Variants in CELF2 observed in about 807,000 individuals in gnomAD.
The protein encoded by CELF2 is CUGBP Elav-like family member 2.
Under a neutral mutation model 62.6 loss-of-function variants are expected in CELF2, and 8 were observed. The ratio of observed to expected loss-of-function variants is 0.13; its 90% CI spans 0.07 to 0.23. The LOEUF is 0.23. Ranked by LOEUF, CELF2 falls within the 10% of genes least tolerant of loss-of-function variation. CELF2 has a pLI of 1.00. For missense variants in CELF2, 333 were observed against 671.0 expected, an observed-to-expected ratio of 0.50 and a Z score of 5.56; for synonymous variants, 258 against 250.0, an observed-to-expected ratio of 1.03 and a Z score of -0.30.
chr10:10,980,470 C>A (rs1302229293), intron 2 of CELF2, among the ~76,000 whole-genome samples: 1 of 152,218 alleles, frequency 6.6e-6, no homozygotes, highest in Non-Finnish European at 1.5e-5. Context: ...GCCTCCTTCT[C>A]TTGCTTTCCA....
At chr10:10,624,920 G>C in the CELF2 span, among the ~76,000 whole-genome samples, 1 of 152,208 alleles carries the variant, frequency 6.6e-6, no homozygotes, top group Non-Finnish European at 1.5e-5. Context: ...TGCTACTTTT[G>C]TTGTTAACAA....
rs1242694253 is a variant in CELF2, at chr10:11,107,910, C to CTTCTCCCATCTCCTCCG, written c.75-57567_75-57566insCTCCTCCGTTCTCCCAT. The stretch of plus-strand genomic sequence containing the variant: ...TCTCCTCCCTTCTCCCATCTCCTCC[C>CTTCTCCCATCTCCTCCG]TTCTCCCATTCTCTTTCCTTCCTGT... On this transcript the variant is annotated intron_variant, in intron 1 of 12. Transcript: ENST00000633077. Among the ~76,000 whole-genome samples the CTTCTCCCATCTCCTCCG allele has an allele frequency of 7.7e-4, 96 of 124,892 alleles. 4 individuals carry two copies. The highest frequency in any genetic ancestry group is 2.6e-3 in the African/African-American group (86 of 33,212). The allele number at this position is 124,892 out of a possible 152,430, so 81.9% of individuals were successfully genotyped here.
chr10:10,568,311 A>G, the CELF2 span, among the ~76,000 whole-genome samples: 1 of 143,742 alleles, frequency 7.0e-6, no homozygotes, highest in African/African-American at 2.6e-5. Flanking sequence ...GAGTCCGGAG[A>G]AAAAAAAAAG....
At chr10:11,067,114 C>A (rs1291851) in intron 1 of CELF2, among the ~76,000 whole-genome samples, 8 of 152,018 alleles carry the variant, frequency 5.3e-5, no homozygotes, top group African/African-American at 1.9e-4. Context: ...CTTTTAGCGA[C>A]ATCATCTCAT....
intron 2 of CELF2, among the ~76,000 whole-genome samples, chr10:11,216,448 T>A (rs1475825362): frequency 1.3e-5 from 2 of 152,226 alleles, no homozygotes; most frequent in Non-Finnish European, 2.9e-5. Flanking sequence ...CCTCAACCAC[T>A]TACCAAAGAC....
the CELF2 span, among the ~76,000 whole-genome samples, chr10:10,600,620 A>C: frequency 6.6e-6 from 1 of 152,212 alleles, no homozygotes; most frequent in African/African-American, 2.4e-5. Context: ...AGACAAACAT[A>C]ATAATCCAAA....
chr10:10,970,335 G>A (rs1592566761), intron 2 of CELF2, among the ~76,000 whole-genome samples: 2 of 152,232 alleles, frequency 1.3e-5, no homozygotes, highest in Admixed American at 1.3e-4. Context: ...CCAAAGTGCT[G>A]GGATTACAGG....
chr10:11,291,809 A>G (rs893891415), intron 9 of CELF2, among the ~76,000 whole-genome samples: 1 of 152,194 alleles, frequency 6.6e-6, no homozygotes, highest in Non-Finnish European at 1.5e-5. Context: ...AAAGAAGATA[A>G]TGTTTGTCTT....
chr10:10,660,209 A>G, the CELF2 span, among the ~76,000 whole-genome samples: 3 of 152,222 alleles, frequency 2.0e-5, no homozygotes, highest in Admixed American at 2.0e-4. Flanking sequence ...CATGACTTAA[A>G]TATGTCACCT....
intron 1 of CELF2, among the ~76,000 whole-genome samples, chr10:10,823,617 G>A (rs2057148996): frequency 6.6e-6 from 1 of 152,072 alleles, no homozygotes; most frequent in South Asian, 2.1e-4. Flanking sequence ...TATGTTAAAT[G>A]TAAAAAACAT....
rs57018713 is a variant in CELF2, at chr10:11,211,809, AGAGAGTGTGTGT to A, written c.272-5614_272-5603del. Among the ~76,000 whole-genome samples the A allele has an allele frequency of 0.041, 5,266 of 129,690 alleles. 127 individuals carry two copies. The highest frequency in any genetic ancestry group is 0.084 in the African/African-American group (2,660 of 31,772). 85.1% of individuals were successfully genotyped at this position (129,690 alleles called of 152,430 possible). A position where few individuals can be genotyped will look rare whatever the true frequency, so the allele number is the denominator to read the frequency against. ...ATGTGTGTGAGAGAGAGAGAGAGAGAGAGAGTGTGTGTGTGTGTGTGTGTGTGTGTGTGTGTG... is the reference window on the plus strand; with the variant it reads ...ATGTGTGTGAGAGAGAGAGAGAGAGAGTGTGTGTGTGTGTGTGTGTGTGTG... On this transcript the variant is annotated intron_variant, in intron 2 of 12. Coordinates refer to ENST00000633077, the MANE Select transcript of CELF2 (RefSeq NM_001326342.2). The surrounding 1 kb of genome is among the most constrained non-coding windows in gnomAD (Gnocchi z 4.8).
chr10:10,809,999 T>C (rs1427397474), intron 1 of CELF2, among the ~76,000 whole-genome samples: 1 of 152,220 alleles, frequency 6.6e-6, no homozygotes, highest in Non-Finnish European at 1.5e-5. Flanking sequence ...TGGGTTTCTA[T>C]ATTTCTGACA....
At chr10:10,767,298 AC>A in the CELF2 span, among the ~76,000 whole-genome samples, 4 of 151,812 alleles carry the variant, frequency 2.6e-5, no homozygotes, top group East Asian at 7.7e-4. Flanking sequence ...AAAGTCGATG[AC>A]AGGGTAGACT....
At chr10:10,670,507 C>A in the CELF2 span, among the ~76,000 whole-genome samples, 3,761 of 152,238 alleles carry the variant, frequency 0.025, 135 homozygotes, top group African/African-American at 0.085. Flanking sequence ...TCCCTGCCCC[C>A]TGCCCCCACA....
chr10:10,531,836 G>T, the CELF2 span, among the ~76,000 whole-genome samples: 88 of 152,338 alleles, frequency 5.8e-4, no homozygotes, highest in African/African-American at 2.0e-3. Context: ...CAATCCTGAT[G>T]ATAGTCAGCA....
At chr10:11,233,376 A>C (rs927573169) in intron 3 of CELF2, among the ~76,000 whole-genome samples, 3 of 152,184 alleles carry the variant, frequency 2.0e-5, no homozygotes, top group African/African-American at 7.2e-5. Context: ...AAACACTGAC[A>C]TGCCCCGAGT....
the CELF2 span, among the ~76,000 whole-genome samples, chr10:10,522,529 A>T: frequency 6.6e-6 from 1 of 152,220 alleles, no homozygotes; most frequent in Non-Finnish European, 1.5e-5. Flanking sequence ...TCAAGAGCAC[A>T]TTCCTGGTTA....
chr10:11,274,381 T>C (rs1370638152), intron 7 of CELF2, among the ~76,000 whole-genome samples: 1 of 152,212 alleles, frequency 6.6e-6, no homozygotes, highest in Non-Finnish European at 1.5e-5. Context: ...CTGAAAGCAC[T>C]AGTGGAAAAT....
At chr10:11,303,804 A>C (rs2093978122) in intron 9 of CELF2, among the ~76,000 whole-genome samples, 1 of 152,216 alleles carries the variant, frequency 6.6e-6, no homozygotes, top group African/African-American at 2.4e-5. Context: ...TTCCACATCA[A>C]CATAATGCTG....
Sources: gnomAD v4.1 joint callset for allele counts (sites outside exome capture counted in the v4.1 genomes callset) on GRCh38, gnomAD v4.1.1 for gene constraint, Gnocchi (gnomAD v3.1) non-coding constraint, MANE v1.5 for transcripts, NCBI Gene and HGNC (gene_info 2026-07-23, HGNC 2026-07-21) for gene names.